The following DCTPP1 variants were observed in gnomAD, a reference collection of about 807,000 sequenced individuals.
DCTPP1 encodes the protein XTP3-transactivated gene A protein.
DCTPP1 carries 8 observed loss-of-function variants against 8.8 expected under a neutral mutation model. The ratio of observed to expected loss-of-function variants is 0.91; its 90% CI spans 0.54 to 1.64. The LOEUF is 1.64. Among genes scored for constraint, DCTPP1 ranks in the 40% most tolerant of loss-of-function variants. The pLI is 0.00. For missense variants in DCTPP1, 231 were observed against 230.4 expected, an observed-to-expected ratio of 1.00 and a Z score of -0.02; for synonymous variants, 85 against 92.1, an observed-to-expected ratio of 0.92 and a Z score of 0.44.
At chr16:30,426,476 G>GTTT (rs35240032) in intron 2 of DCTPP1, among the ~76,000 whole-genome samples, 12 of 138,678 alleles carry the variant, frequency 8.7e-5, no homozygotes, top group South Asian at 2.3e-4. Context: ...CACCTGGCCG[G>GTTT]TTTTTTTTTT....
In DCTPP1 at chr16:30,424,492, G is replaced by T; in HGVS notation, c.254C>A (p.Ser85Tyr). The T allele has an allele frequency of 6.2e-7, 1 of 1,614,154 alleles. No homozygotes were observed. The highest frequency in any genetic ancestry group is 1.1e-5 in the South Asian group (1 of 91,086). ...TTGAAGGGCTGCCCGTTCCCTGGGG[G>T]ACCAGCCTTGGGGGCCAGGTTCCCC... ...TDGEPGPQGW[S>Y]PRERAALQEE... Residue 85 changes from serine (S) to tyrosine (Y), a missense_variant, in exon 3 of 3, where the codon TCC (serine) becomes TAC (tyrosine). By Grantham distance (144) the Ser-to-Tyr change is moderately radical. Transcript: ENST00000319285.
chr16:30,427,312 T>G, intron 2 of DCTPP1, among the ~76,000 whole-genome samples: 1 of 150,242 alleles, frequency 6.7e-6, no homozygotes, highest in East Asian at 1.9e-4. Context: ...GCCCAGCCCC[T>G]TTTTTGTTTT....
At chr16:30,426,691 T>TTTTTG (rs902709301) in intron 2 of DCTPP1, among the ~76,000 whole-genome samples, 1 of 151,450 alleles carries the variant, frequency 6.6e-6, no homozygotes. Flanking sequence ...AGGCTGGTCT[T>TTTTTG]TTTTGTTTTG....
intron 2 of DCTPP1, among the ~76,000 whole-genome samples, chr16:30,426,869 G>T (rs1177087539): frequency 6.7e-6 from 1 of 150,064 alleles, no homozygotes; most frequent in African/African-American, 2.5e-5. Context: ...CCAGCTAATG[G>T]TTGTATTTTT....
intron 2 of DCTPP1, among the ~76,000 whole-genome samples, chr16:30,426,179 T>G (rs1379609191): frequency 6.6e-6 from 1 of 152,184 alleles, no homozygotes; most frequent in Non-Finnish European, 1.5e-5. Flanking sequence ...GTTTTTTGTT[T>G]GTTCGTTTTT....
chr16:30,428,905 G>T (rs1387068466), intron 2 of DCTPP1, 152 bp downstream of exon 2: 4 of 733,512 alleles, frequency 5.5e-6, no homozygotes, highest in Admixed American at 6.3e-5. Context: ...TAGAGGGCAG[G>T]GACCCGTGAG....
intron 2 of DCTPP1, among the ~76,000 whole-genome samples, chr16:30,425,893 T>C (rs1455495982): frequency 6.6e-6 from 1 of 152,206 alleles, no homozygotes; most frequent in East Asian, 1.9e-4. Flanking sequence ...ATACAAACTG[T>C]GCTTGGAATA....
At position 30,426,617 on chromosome 16, in the gene DCTPP1, G is replaced by A. The variant is rs148595457; in HGVS notation, c.213-2084C>T. Among the ~76,000 whole-genome samples, 1,349 of 152,130 alleles carry A rather than the reference G, an allele frequency of 8.9e-3. 12 individuals are homozygous for A. The highest frequency in any genetic ancestry group is 0.031 in the African/African-American group (1,281 of 41,486). ...CTCCTGAGTAGCTGTGATTATAGGCGCCTGTGACCACACCCGGCTAATTTT... is the reference window on the plus strand; with the variant it reads ...CTCCTGAGTAGCTGTGATTATAGGCACCTGTGACCACACCCGGCTAATTTT... On this transcript the variant is annotated intron_variant, in intron 2 of 2. Coordinates refer to ENST00000319285, the MANE Select transcript of DCTPP1 (RefSeq NM_024096.2).
rs775345918 is a variant in DCTPP1 at position 30,429,864 on chromosome 16, G to A, written c.101+16C>T. The A allele has an allele frequency of 3.1e-6, 5 of 1,594,444 alleles. No individual in the cohort carries two copies. The highest frequency in any genetic ancestry group is 1.7e-5 in the Admixed American group (1 of 58,060). On this transcript the variant is annotated intron_variant, in intron 1 of 2. Transcript: ENST00000319285. ...GGGGCGACTTCCCCACCCCGAGCTG[G>A]GCCAGGCCTGCTTACATGTCCTCGA...
At chr16:30,427,915 C>T (rs1251589800) in intron 2 of DCTPP1, among the ~76,000 whole-genome samples, 1 of 152,130 alleles carries the variant, frequency 6.6e-6, no homozygotes, top group African/African-American at 2.4e-5. Flanking sequence ...GTGGGAGGAT[C>T]GTTTGAGCTC....
In DCTPP1 at chr16:30,424,171, G is replaced by T; in HGVS notation, c.*62C>A. 1.3e-6 allele frequency: 2 copies of T among 1,572,656 alleles called. No homozygotes were observed. Among genetic ancestry groups the T allele is most frequent in the Non-Finnish European group, 1.7e-6 (2 of 1,158,532 alleles). ...CTGAAAAGACTAGAAAAAGGCTCCA[G>T]GGCCAGGCCACTCTCTGCTCTTCAG... On this transcript the variant is annotated 3_prime_UTR_variant, in exon 3 of 3. Transcript: ENST00000319285.
At chr16:30,428,862 C>G in intron 2 of DCTPP1, 195 bp downstream of exon 2, 1 of 546,224 alleles carries the variant, frequency 1.8e-6, no homozygotes, top group Non-Finnish European at 3.2e-6. Flanking sequence ...TTTCACACCT[C>G]ACACCTCTCT....
At chr16:30,428,802 G>T in intron 2 of DCTPP1, 3 of 419,614 alleles carry the variant, frequency 7.1e-6, no homozygotes, top group Non-Finnish European at 8.4e-6. Context: ...CAAAAGAAGG[G>T]AAAAGGGTTG....
chr16:30,426,952 C>T (rs367733686), intron 2 of DCTPP1, among the ~76,000 whole-genome samples: 4 of 150,448 alleles, frequency 2.7e-5, no homozygotes, highest in Admixed American at 6.6e-5. Context: ...CTGCCTGCCT[C>T]GGCCTCCCAA....
intron 1 of DCTPP1, 36 bp from the exon 2 acceptor site, chr16:30,429,203 C>A (rs755541131): frequency 6.2e-7 from 1 of 1,610,170 alleles, no homozygotes; most frequent in Non-Finnish European, 8.5e-7. Context: ...TCCAAGTCTC[C>A]GGGTTAGAGG....
chr16:30,426,574 C>T (rs934613517), intron 2 of DCTPP1, among the ~76,000 whole-genome samples: 11 of 151,252 alleles, frequency 7.3e-5, no homozygotes, highest in African/African-American at 1.9e-4. Context: ...CGGATTCAAG[C>T]GATTCTCCTG....
Position 30,423,795 on chromosome 16 carries a change from G to T in DCTPP1, c.*438C>A. Reference sequence around the variant, plus strand: ...CATTTAGCTTGCAAGTGTCAAAGATGGCATTTGAACCCAGACAGCCTGGCT... The same window carrying T: ...CATTTAGCTTGCAAGTGTCAAAGATTGCATTTGAACCCAGACAGCCTGGCT... On this transcript the variant is annotated 3_prime_UTR_variant, in exon 3 of 3. Coordinates refer to ENST00000319285, the MANE Select transcript of DCTPP1 (RefSeq NM_024096.2). The T allele has an allele frequency of 6.0e-6, 1 of 167,394 alleles. No homozygotes were observed. Among genetic ancestry groups the T allele is most frequent in the Non-Finnish European group, 1.3e-5 (1 of 77,582 alleles). The allele number at this position is 167,394 out of a possible 1,614,324, so 10.4% of individuals were successfully genotyped here. A position where few individuals can be genotyped will look rare whatever the true frequency, so the allele number is the denominator to read the frequency against.
intron 1 of DCTPP1, 101 bp downstream of exon 1, chr16:30,429,779 C>T (rs2050214313): frequency 8.3e-7 from 1 of 1,200,792 alleles, no homozygotes; most frequent in South Asian, 1.5e-5. Context: ...AGGACCCGAG[C>T]CCCGCTGCCA....
intron 2 of DCTPP1, among the ~76,000 whole-genome samples, chr16:30,425,654 T>A (rs1740990839): frequency 1.3e-5 from 2 of 151,152 alleles, no homozygotes; most frequent in Admixed American, 6.6e-5. Context: ...CTACAGAAAA[T>A]ACGAATTAGT....
Sources: allele counts gnomAD v4.1 joint callset (sites outside exome capture counted in the v4.1 genomes callset), GRCh38; gene constraint gnomAD v4.1.1; transcripts MANE v1.5; gene names NCBI Gene and HGNC (gene_info 2026-07-23, HGNC 2026-07-21).